The following PHACTR3 variants were observed in gnomAD, a reference collection of about 807,000 sequenced individuals.
PHACTR3 encodes the protein phosphatase and actin regulator 3, also known as protein phosphatase 1, regulatory subunit 123.
PHACTR3 carries 16 observed loss-of-function variants against 66.8 expected under a neutral mutation model. The observed-to-expected ratio is 0.24, with a 90% CI of 0.16 to 0.36. The LOEUF is 0.36. PHACTR3 is among the 10% of genes least tolerant of loss of function. PHACTR3 has a pLI of 1.00. For missense variants in PHACTR3, 647 were observed against 719.9 expected, an observed-to-expected ratio of 0.90 and a Z score of 1.16; for synonymous variants, 323 against 292.1, an observed-to-expected ratio of 1.11 and a Z score of -1.08.
chr20:59,691,152 T>C (rs1051549899), intron 1 of PHACTR3, among the ~76,000 whole-genome samples: 4 of 152,234 alleles, frequency 2.6e-5, no homozygotes, highest in African/African-American at 9.6e-5. Context: ...GCAGGATCCC[T>C]GCCCGTGGAG....
chr20:59,658,150 T>G (rs1026869828), intron 1 of PHACTR3, among the ~76,000 whole-genome samples: 2 of 152,162 alleles, frequency 1.3e-5, no homozygotes, highest in African/African-American at 4.8e-5. Context: ...TAATTTACAT[T>G]AGATTATTTT....
intron 7 of PHACTR3, among the ~76,000 whole-genome samples, chr20:59,786,570 G>A (rs992143953): frequency 1.3e-5 from 2 of 152,198 alleles, no homozygotes; most frequent in Admixed American, 6.5e-5. Context: ...GCGCGGCATG[G>A]CACTTAGCAC....
At chr20:59,592,993 G>A (rs1453804063) in intron 1 of PHACTR3, among the ~76,000 whole-genome samples, 1 of 152,108 alleles carries the variant, frequency 6.6e-6, no homozygotes, top group African/African-American at 2.4e-5. Flanking sequence ...ATGAGTTTTC[G>A]ACTTCTTTGT....
At chr20:59,729,538 C>A (rs905415202) in intron 1 of PHACTR3, among the ~76,000 whole-genome samples, 2 of 152,118 alleles carry the variant, frequency 1.3e-5, no homozygotes, top group Non-Finnish European at 2.9e-5. Flanking sequence ...AGTGATGCAT[C>A]TGCTAGCCGG....
Position 59,749,687 on chromosome 20 carries a change from T to C in PHACTR3, c.358+1852T>C, listed in dbSNP as rs567687775. Among the ~76,000 whole-genome samples, 4 of 152,344 alleles carry C rather than the reference T, an allele frequency of 2.6e-5. No individual in the cohort carries two copies. The South Asian group carries it at 8.3e-4, about 32-fold the overall frequency. On this transcript the variant is annotated intron_variant, in intron 3 of 12. Transcript: ENST00000371015. ...AGTCTCTGTTGCAACTACTTGTCTCTGCTTTTGTAGCGCAAAGGCAGCCGG... is the reference window on the plus strand; with the variant it reads ...AGTCTCTGTTGCAACTACTTGTCTCCGCTTTTGTAGCGCAAAGGCAGCCGG...
chr20:59,577,574 C>T (rs1386272101), exon 1 of PHACTR3: 6 of 1,206,326 alleles, frequency 5.0e-6, no homozygotes, highest in Non-Finnish European at 5.1e-6. Flanking sequence ...TGGGCGCCTT[C>T]GGGGCCCGGG....
chr20:59,752,590 A>T (rs1314324946), intron 3 of PHACTR3, among the ~76,000 whole-genome samples: 8 of 152,254 alleles, frequency 5.3e-5, no homozygotes, highest in African/African-American at 1.9e-4. Flanking sequence ...AAAACCTGCA[A>T]GAAAGCAGGG....
At chr20:59,687,129 CATG>C (rs1312795221) in intron 1 of PHACTR3, among the ~76,000 whole-genome samples, 2 of 137,740 alleles carry the variant, frequency 1.5e-5, no homozygotes, top group Admixed American at 1.4e-4. Context: ...TGATAATGAT[CATG>C]GTGGTGACAG....
chr20:59,644,594 G>A (rs899951100), intron 1 of PHACTR3, among the ~76,000 whole-genome samples: 1 of 152,206 alleles, frequency 6.6e-6, no homozygotes, highest in South Asian at 2.1e-4. Context: ...ATGGGCAAAT[G>A]TATCCTTTGG....
chr20:59,663,564 A>T (rs2035887734), intron 1 of PHACTR3, among the ~76,000 whole-genome samples: 2 of 152,218 alleles, frequency 1.3e-5, no homozygotes, highest in African/African-American at 2.4e-5. Context: ...TGTGAAGCTG[A>T]CATGTAGTCC....
chr20:59,801,705 C>T (rs1033253405), intron 7 of PHACTR3, among the ~76,000 whole-genome samples: 10 of 152,158 alleles, frequency 6.6e-5, no homozygotes, highest in East Asian at 5.8e-4. Context: ...GTATAATCCT[C>T]GCTGTAGATA....
In PHACTR3 at chr20:59,836,496, T is replaced by C. The variant is rs1310444273; in HGVS notation, c.1329-9T>C. ...TGGTGCAAAATGTAATTTTAGTGTTTTTCCGCAGACGGCTGAGCCAAAGAC... is the reference window on the plus strand; with the variant it reads ...TGGTGCAAAATGTAATTTTAGTGTTCTTCCGCAGACGGCTGAGCCAAAGAC... On this transcript the variant is annotated splice_polypyrimidine_tract_variant and intron_variant, in intron 8 of 12. Transcript: ENST00000371015. 1.9e-6 allele frequency: 3 copies of C among 1,607,662 alleles called. No homozygotes were observed. Among genetic ancestry groups the C allele is most frequent in the Non-Finnish European group, 1.7e-6 (2 of 1,177,750 alleles).
intron 7 of PHACTR3, among the ~76,000 whole-genome samples, chr20:59,801,161 G>A (rs2041401805): frequency 6.6e-6 from 1 of 152,108 alleles, no homozygotes; most frequent in African/African-American, 2.4e-5. Flanking sequence ...TGGCTGCCCT[G>A]ATCCCCTTGG....
At chr20:59,578,383 C>A (rs558288510) in intron 1 of PHACTR3, among the ~76,000 whole-genome samples, 1 of 152,278 alleles carries the variant, frequency 6.6e-6, no homozygotes, top group African/African-American at 2.4e-5. Context: ...CCAGTGTTTC[C>A]GCACTGGCCC....
intron 8 of PHACTR3, among the ~76,000 whole-genome samples, chr20:59,822,030 C>T (rs2042051091): frequency 1.4e-5 from 2 of 140,844 alleles, no homozygotes; most frequent in Admixed American, 1.4e-4. Flanking sequence ...GATCCCACCC[C>T]TTCCCCAGCG....
chr20:59,843,409 GA>G (rs1276915301), intron 11 of PHACTR3: 2 of 152,004 alleles, frequency 1.3e-5, no homozygotes, highest in Non-Finnish European at 2.9e-5. Context: ...TTAGCAAAAA[GA>G]ACAAAGCTGG....
At chr20:59,741,622 T>C (rs983376481) in intron 1 of PHACTR3, among the ~76,000 whole-genome samples, 12 of 152,318 alleles carry the variant, frequency 7.9e-5, no homozygotes, top group African/African-American at 2.9e-4. Flanking sequence ...ATTTTGTTAG[T>C]TGCATTTTGT....
chr20:59,817,224 C>T (rs73307173), intron 8 of PHACTR3, among the ~76,000 whole-genome samples: 10,699 of 152,250 alleles, frequency 0.07, 789 homozygotes, highest in African/African-American at 0.19. Context: ...ATAGTGTGAG[C>T]CCTCAGGACC....
chr20:59,747,407 T>C (rs1316065760), intron 2 of PHACTR3, among the ~76,000 whole-genome samples: 1 of 152,218 alleles, frequency 6.6e-6, no homozygotes, highest in Admixed American at 6.5e-5. Context: ...GAGGGCACTT[T>C]CCTTGGTTGG....
Sources: allele counts gnomAD v4.1 joint callset (sites outside exome capture counted in the v4.1 genomes callset), GRCh38; gene constraint gnomAD v4.1.1; transcripts MANE v1.5; gene names NCBI Gene and HGNC (gene_info 2026-07-23, HGNC 2026-07-21).